SLC8A1: variants seen among roughly 807,000 people sequenced by gnomAD.
The protein encoded by SLC8A1 is sodium/calcium exchanger 1.
In SLC8A1, 18 loss-of-function variants were observed where a neutral mutation model predicts 68.3. The ratio of observed to expected loss-of-function variants is 0.26; its 90% CI spans 0.18 to 0.39. The LOEUF is 0.39. Among genes scored for constraint, SLC8A1 ranks in the 10% least tolerant of loss-of-function variants. The pLI, the probability that SLC8A1 is intolerant of heterozygous loss-of-function variation, is 1.00. For synonymous variants in SLC8A1, 475 were observed against 415.5 expected (o/e 1.14, Z -1.74); for missense variants, 985 against 1,156.7 (o/e 0.85, Z 2.15).
At chr2:40,415,085 C>G (rs1316705699) in intron 2 of SLC8A1, among the ~76,000 whole-genome samples, 2 of 152,092 alleles carry the variant, frequency 1.3e-5, no homozygotes, top group Non-Finnish European at 2.9e-5. Flanking sequence ...ATGAAGAAGA[C>G]TGATAAGGAT....
intron 1 of SLC8A1, among the ~76,000 whole-genome samples, chr2:40,494,054 C>G (rs947272038): frequency 1.3e-5 from 2 of 151,274 alleles, no homozygotes; most frequent in African/African-American, 4.9e-5. Context: ...TGTGCTTTCT[C>G]TCCTTTACAG....
chr2:40,270,910 G>C (rs1483655830), intron 2 of SLC8A1, among the ~76,000 whole-genome samples: 1 of 152,136 alleles, frequency 6.6e-6, no homozygotes, highest in Non-Finnish European at 1.5e-5. Flanking sequence ...CCTTGAGGGA[G>C]TTCCGGCTGG....
upstream of SLC8A1, chr2:40,452,124 C>A (rs962220661): frequency 2.0e-4 from 27 of 138,020 alleles, no homozygotes; most frequent in Non-Finnish European, 3.9e-4. Flanking sequence ...GGGAGGCAGG[C>A]GCGGAGGCCG....
chr2:40,409,217 T>C (rs943454262), intron 2 of SLC8A1, among the ~76,000 whole-genome samples: 1 of 152,128 alleles, frequency 6.6e-6, no homozygotes, highest in East Asian at 1.9e-4. Context: ...AACCTATTAG[T>C]TGACTAAAAT....
intron 2 of SLC8A1, chr2:40,213,366 C>CAACT (rs776264059): frequency 2.0e-5 from 3 of 152,240 alleles, no homozygotes; most frequent in East Asian, 1.9e-4. Context: ...CCAGAACCAC[C>CAACT]AACTAACCAC....
chr2:40,321,001 C>T (rs2075118289), intron 2 of SLC8A1, among the ~76,000 whole-genome samples: 1 of 152,098 alleles, frequency 6.6e-6, no homozygotes. Flanking sequence ...TGAGAAGGAG[C>T]CATGCAAGCC....
Position 40,126,219 on chromosome 2 carries a change from C to G in SLC8A1, c.2438-10590G>C, listed in dbSNP as rs17500632. 6.6e-3 allele frequency among the ~76,000 whole-genome samples: 1,001 copies of G among 152,272 alleles called. 3 individuals are homozygous for G. Among genetic ancestry groups the G allele is most frequent in the Non-Finnish European group, 8.0e-3 (546 of 68,022 alleles). On this transcript the variant is annotated intron_variant, in intron 7 of 7. Coordinates refer to ENST00000406785, the Ensembl canonical transcript of SLC8A1. ...TAACACATCTACGCTGACTAACTCT[C>G]AGGGCTGCTGTGGGTATCAAAGAGA...
chr2:40,250,888 A>G (rs995871650), intron 2 of SLC8A1: 3 of 152,172 alleles, frequency 2.0e-5, no homozygotes, highest in African/African-American at 7.2e-5. Context: ...CCAATGATTG[A>G]TTGGATCACA....
At chr2:40,382,815 T>C (rs953951315) in intron 2 of SLC8A1, among the ~76,000 whole-genome samples, 4 of 152,142 alleles carry the variant, frequency 2.6e-5, no homozygotes, top group Non-Finnish European at 4.4e-5. Flanking sequence ...TAAAATAGAA[T>C]GTCTATTTTA....
chr2:40,163,093 A>T (rs899520316), intron 5 of SLC8A1, among the ~76,000 whole-genome samples: 5 of 152,202 alleles, frequency 3.3e-5, no homozygotes, highest in African/African-American at 1.2e-4. Flanking sequence ...GACTGGAAAT[A>T]ATCTATGGAA....
intron 1 of SLC8A1, among the ~76,000 whole-genome samples, chr2:40,507,188 C>A (rs971056673): frequency 2.0e-5 from 3 of 151,834 alleles, no homozygotes; most frequent in Non-Finnish European, 4.4e-5. Context: ...TACTAACTTT[C>A]CTTTAAATGA....
chr2:40,510,699 C>G (rs978923184), intron 1 of SLC8A1, among the ~76,000 whole-genome samples: 7 of 152,128 alleles, frequency 4.6e-5, no homozygotes, highest in African/African-American at 1.7e-4. Context: ...TTTATTCTCT[C>G]TCTCTCTTTC....
At chr2:40,303,841 G>A (rs145192975) in intron 2 of SLC8A1, among the ~76,000 whole-genome samples, 24 of 152,270 alleles carry the variant, frequency 1.6e-4, no homozygotes, top group African/African-American at 5.5e-4. Context: ...TGAAGGTAAC[G>A]TGAAGCAGGA....
intron 2 of SLC8A1, among the ~76,000 whole-genome samples, chr2:40,256,435 CA>C (rs367840208): frequency 1.1e-4 from 16 of 151,828 alleles, no homozygotes; most frequent in East Asian, 7.7e-4. Context: ...ATTTACATGA[CA>C]AAAAAAATGC....
chr2:40,168,380 G>A (rs1462168134), intron 4 of SLC8A1, among the ~76,000 whole-genome samples: 1 of 152,178 alleles, frequency 6.6e-6, no homozygotes, highest in African/African-American at 2.4e-5. Context: ...GTTCATTCCA[G>A]GCAGAGAGAA....
intron 2 of SLC8A1, among the ~76,000 whole-genome samples, chr2:40,370,728 C>T (rs544726751): frequency 2.6e-5 from 4 of 152,158 alleles, no homozygotes; most frequent in African/African-American, 9.6e-5. Flanking sequence ...TCTCATGAAA[C>T]TAATACCAAC....
At chr2:40,354,978 T>C (rs1298524954) in intron 2 of SLC8A1, among the ~76,000 whole-genome samples, 2 of 152,034 alleles carry the variant, frequency 1.3e-5, no homozygotes, top group Non-Finnish European at 2.9e-5. Context: ...TTTTGAAGAG[T>C]GTTTGACATA....
chr2:40,507,864 A>G (rs1385817084), intron 1 of SLC8A1, among the ~76,000 whole-genome samples: 2 of 152,228 alleles, frequency 1.3e-5, no homozygotes, highest in East Asian at 3.9e-4. Flanking sequence ...GGCAGAAAGT[A>G]ACATAGTTGG....
At chr2:40,484,971 G>T (rs1172570228) in intron 1 of SLC8A1, among the ~76,000 whole-genome samples, 2 of 152,154 alleles carry the variant, frequency 1.3e-5, no homozygotes, top group Non-Finnish European at 2.9e-5. Flanking sequence ...AAGAATTCAA[G>T]AAAATTTTTA....
Sources: gnomAD v4.1 joint callset for allele counts (sites outside exome capture counted in the v4.1 genomes callset) on GRCh38, gnomAD v4.1.1 for gene constraint, MANE v1.5 for transcripts, NCBI Gene and HGNC (gene_info 2026-07-23, HGNC 2026-07-21) for gene names.